Variants in TUSC3 observed in about 807,000 individuals in gnomAD.
TUSC3 encodes the protein tumor suppressor candidate 3.
In TUSC3, 45 loss-of-function variants were observed where a neutral mutation model predicts 44.8. The ratio of observed to expected loss-of-function variants is 1.00; its 90% confidence interval spans 0.79 to 1.29. The LOEUF (loss-of-function observed/expected upper bound fraction) is 1.29. TUSC3 is among the 50% of genes most tolerant of loss of function. TUSC3 has a pLI of 0.00. For missense variants in TUSC3, 519 were observed against 437.9 expected (o/e 1.19, Z -1.65); for synonymous variants, 212 against 152.9 (o/e 1.39, Z -2.85).
chr8:15,453,913 T>A (rs1800224032), intron 1 of TUSC3, among the ~76,000 whole-genome samples: 1 of 152,152 alleles, frequency 6.6e-6, no homozygotes, highest in African/African-American at 2.4e-5. Flanking sequence ...GATCACCAGC[T>A]TCCCATTAAG....
At chr8:15,741,200 A>T (rs1316393330) in intron 7 of TUSC3, among the ~76,000 whole-genome samples, 4 of 152,148 alleles carry the variant, frequency 2.6e-5, no homozygotes, top group African/African-American at 9.7e-5. Flanking sequence ...CCCTAAGAAC[A>T]TACTAATATA....
intron 1 of TUSC3, among the ~76,000 whole-genome samples, chr8:15,571,895 T>G (rs1445444895): frequency 6.6e-6 from 1 of 152,170 alleles, no homozygotes; most frequent in Non-Finnish European, 1.5e-5. Context: ...GTCTTAATAC[T>G]GGGCTTCAAA....
intron 1 of TUSC3, among the ~76,000 whole-genome samples, chr8:15,553,827 G>T (rs1802138692): frequency 6.6e-6 from 1 of 151,744 alleles, no homozygotes; most frequent in Non-Finnish European, 1.5e-5. Context: ...GAGAAGGTAG[G>T]AGGAAGGAAT....
chr8:15,792,740 C>G, the TUSC3 span, among the ~76,000 whole-genome samples: 1 of 151,968 alleles, frequency 6.6e-6, no homozygotes, highest in Non-Finnish European at 1.5e-5. Flanking sequence ...CTCAGCTCCT[C>G]GAGTAGCTGG....
At chr8:15,719,103 G>A (rs910022026) in intron 6 of TUSC3, among the ~76,000 whole-genome samples, 1 of 151,976 alleles carries the variant, frequency 6.6e-6, no homozygotes, top group Non-Finnish European at 1.5e-5. Flanking sequence ...TTGCTTCTAT[G>A]CTTGCTTCGT....
chr8:15,448,316 A>C (rs1452320461), intron 1 of TUSC3, among the ~76,000 whole-genome samples: 1 of 151,608 alleles, frequency 6.6e-6, no homozygotes, highest in Non-Finnish European at 1.5e-5. Context: ...ATGAGGTTTC[A>C]CCACATTGGC....
chr8:15,684,460 G>C (rs996810451), intron 6 of TUSC3, among the ~76,000 whole-genome samples: 2 of 152,114 alleles, frequency 1.3e-5, no homozygotes, highest in African/African-American at 2.4e-5. Flanking sequence ...TCCTGACCTG[G>C]TGGGTCTCCC....
chr8:15,719,506 CACACACACACCACACACA>C (rs965974369), intron 6 of TUSC3, among the ~76,000 whole-genome samples: 1 of 48,804 alleles, frequency 2.0e-5, no homozygotes, highest in African/African-American at 1.1e-4. Context: ...CACACACACA[CACACACACACCACACACA>C]CACACACACA....
At chr8:15,615,067 C>G (rs955901985) in intron 1 of TUSC3, among the ~76,000 whole-genome samples, 4 of 151,672 alleles carry the variant, frequency 2.6e-5, no homozygotes, top group Admixed American at 2.0e-4. Flanking sequence ...CTTTAAAAAC[C>G]AGAAATACAA....
chr8:15,563,700 A>AT (rs1314091161), intron 1 of TUSC3, among the ~76,000 whole-genome samples: 1 of 151,236 alleles, frequency 6.6e-6, no homozygotes, highest in Non-Finnish European at 1.5e-5. Flanking sequence ...AAAAAAAAAA[A>AT]AAAAAGAACA....
chr8:15,594,999 A>G (rs559830889), intron 1 of TUSC3, among the ~76,000 whole-genome samples: 2 of 152,210 alleles, frequency 1.3e-5, no homozygotes, highest in South Asian at 2.1e-4. Flanking sequence ...TCGGGGCAAT[A>G]TGATACTCTG....
intron 3 of TUSC3, among the ~76,000 whole-genome samples, chr8:15,656,605 G>T (rs1807177304): frequency 6.6e-6 from 1 of 152,156 alleles, no homozygotes; most frequent in Non-Finnish European, 1.5e-5. Flanking sequence ...CACCTCTATA[G>T]CTTTGCCAGG....
intron 2 of TUSC3, among the ~76,000 whole-genome samples, chr8:15,490,673 T>G (rs181433154): frequency 3.9e-5 from 6 of 152,342 alleles, no homozygotes; most frequent in African/African-American, 1.4e-4. Flanking sequence ...CTGATTTATG[T>G]GTGACAAACA....
rs73665450 is a variant in TUSC3 at position 15,597,638 on chromosome 8, A to G, written c.139-25442A>G. Among the ~76,000 whole-genome samples, 565 of 152,260 alleles carry G rather than the reference A, an allele frequency of 3.7e-3. 2 individuals are homozygous for G. Among genetic ancestry groups the G allele is most frequent in the African/African-American group, 0.013 (536 of 41,578 alleles). ...TAAGCTTTGAGCATTGGATATGTAT[A>G]GTAAGCTAAATACACATTGATATTA... On this transcript the variant is annotated intron_variant, in intron 1 of 10. Transcript: ENST00000503731.
At chr8:15,801,610 G>C in the TUSC3 span, among the ~76,000 whole-genome samples, 1 of 152,144 alleles carries the variant, frequency 6.6e-6, no homozygotes, top group African/African-American at 2.4e-5. Flanking sequence ...GTAAATTGGA[G>C]GCAGTATATG....
chr8:15,595,044 G>T (rs995914308), intron 1 of TUSC3, among the ~76,000 whole-genome samples: 1 of 152,058 alleles, frequency 6.6e-6, no homozygotes, highest in African/African-American at 2.4e-5. Flanking sequence ...GTTTCTAAGG[G>T]GGACTGGAAC....
At chr8:15,705,554 T>G (rs1329680744) in intron 6 of TUSC3, among the ~76,000 whole-genome samples, 1 of 152,106 alleles carries the variant, frequency 6.6e-6, no homozygotes, top group East Asian at 1.9e-4. Context: ...GCTACAAGAC[T>G]TACCTTTAAA....
intron 6 of TUSC3, among the ~76,000 whole-genome samples, chr8:15,694,169 A>C (rs9643929): frequency 0.47 from 70,787 of 151,888 alleles, 17,227 homozygotes; most frequent in Admixed American, 0.57. Context: ...TTGGCCGGGC[A>C]CAGTGGCTCA....
chr8:15,587,061 C>A (rs537617279), intron 1 of TUSC3, among the ~76,000 whole-genome samples: 1 of 152,096 alleles, frequency 6.6e-6, no homozygotes, highest in Non-Finnish European at 1.5e-5. Context: ...CTTCGACATG[C>A]CTAACATTTT....
Sources: gnomAD v4.1 joint callset for allele counts (sites outside exome capture counted in the v4.1 genomes callset) on GRCh38, gnomAD v4.1.1 for gene constraint, MANE v1.5 for transcripts, NCBI Gene and HGNC (gene_info 2026-07-23, HGNC 2026-07-21) for gene names.